The following LARP1B variants were observed in gnomAD, a reference collection of about 807,000 sequenced individuals.
LARP1B encodes La ribonucleoprotein 1B, also known as la-related protein 1B.
LARP1B carries 76 observed loss-of-function variants against 114.2 expected under a neutral mutation model. The observed-to-expected ratio is 0.67, with a 90% CI of 0.55 to 0.81. The LOEUF (loss-of-function observed/expected upper bound fraction) is 0.81. Ranked by LOEUF, LARP1B falls within the 30% of genes least tolerant of loss-of-function variation. LARP1B has a pLI of 0.00. For missense variants in LARP1B, 1,014 were observed against 1,075.8 expected (o/e 0.94, Z 0.80); for synonymous variants, 345 against 348.0 (o/e 0.99, Z 0.10).
At chr4:128,127,052 A>AAC (rs1789904837) in intron 11 of LARP1B, among the ~76,000 whole-genome samples, 1 of 152,212 alleles carries the variant, frequency 6.6e-6, no homozygotes, top group Non-Finnish European at 1.5e-5. Flanking sequence ...CTAGTTTCCC[A>AAC]ACAGTGACAA....
At chr4:128,183,712 A>G (rs1749355243) in intron 15 of LARP1B, among the ~76,000 whole-genome samples, 1 of 152,228 alleles carries the variant, frequency 6.6e-6, no homozygotes, top group African/African-American at 2.4e-5. Flanking sequence ...TATAGCTGCC[A>G]CAGCTAGTCA....
At chr4:128,075,942 G>A (rs911113388) in intron 3 of LARP1B, among the ~76,000 whole-genome samples, 2 of 152,244 alleles carry the variant, frequency 1.3e-5, no homozygotes, top group East Asian at 1.9e-4. Context: ...TGCTGAAAAC[G>A]TGGCAGCTAT....
intron 15 of LARP1B, among the ~76,000 whole-genome samples, chr4:128,189,324 C>CTT (rs70966089): frequency 0.042 from 288 of 6,800 alleles, 63 homozygotes; most frequent in Non-Finnish European, 0.063. Flanking sequence ...AGTATGGCTA[C>CTT]TTTTTTTTTT....
chr4:128,154,344 C>T (rs1298100516), intron 11 of LARP1B, among the ~76,000 whole-genome samples: 1 of 152,166 alleles, frequency 6.6e-6, no homozygotes, highest in African/African-American at 2.4e-5. Flanking sequence ...GAAAATCCTT[C>T]ATCCTTCTAA....
intron 8 of LARP1B, 33 bp downstream of exon 8, chr4:128,098,363 T>G (rs1778816685): frequency 6.4e-7 from 1 of 1,562,382 alleles, no homozygotes; most frequent in African/African-American, 1.4e-5. Flanking sequence ...ATTTGTACTT[T>G]CTGCTCAAAT....
In LARP1B at chr4:128,083,177, T is replaced by G. The variant is rs1771299503; in HGVS notation, c.358+872T>G. 4.6e-5 allele frequency among the ~76,000 whole-genome samples: 7 copies of G among 152,366 alleles called. No individual in the cohort carries two copies. The South Asian group carries it at 1.4e-3, about 32-fold the overall frequency. ...GGATCCCAAGGCAGAAGAATTTATC[T>G]TAGTACAGAACAAAATGAAAAGTCT... On this transcript the variant is annotated intron_variant, in intron 5 of 19. Transcript: ENST00000326639.
downstream of LARP1B, among the ~76,000 whole-genome samples, chr4:128,214,024 G>A (rs1188083619): frequency 3.3e-5 from 5 of 150,966 alleles, no homozygotes; most frequent in African/African-American, 1.2e-4. Context: ...CCCTTTCCGA[G>A]TCAAAGAAAG....
chr4:128,099,701 T>C (rs544120563), intron 8 of LARP1B, among the ~76,000 whole-genome samples: 1 of 151,840 alleles, frequency 6.6e-6, no homozygotes, highest in South Asian at 2.1e-4. Flanking sequence ...AAGATCTTTA[T>C]AGGGATATAT....
At chr4:128,149,808 G>A (rs1456714174) in intron 11 of LARP1B, among the ~76,000 whole-genome samples, 1 of 152,186 alleles carries the variant, frequency 6.6e-6, no homozygotes, top group East Asian at 1.9e-4. Flanking sequence ...TTAAAGAAAA[G>A]GAGAGGGAAC....
At chr4:128,176,682 C>T (rs1746326240) in intron 12 of LARP1B, among the ~76,000 whole-genome samples, 190 bp from the exon 13 acceptor site, 1 of 152,030 alleles carries the variant, frequency 6.6e-6, no homozygotes, top group Non-Finnish European at 1.5e-5. Flanking sequence ...CATTTTTTCC[C>T]AAACATTATG....
intron 19 of LARP1B, 51 bp from the exon 20 acceptor site, chr4:128,209,805 G>A: frequency 6.9e-7 from 1 of 1,446,256 alleles, no homozygotes; most frequent in African/African-American, 1.4e-5. Context: ...AGATTCTGAA[G>A]GGAGGAAAAA....
chr4:128,095,407 T>G (rs1191019988), intron 7 of LARP1B, among the ~76,000 whole-genome samples: 1 of 150,316 alleles, frequency 6.7e-6, no homozygotes, highest in Admixed American at 6.7e-5. Context: ...GAGAATCGCT[T>G]GAACCTGTGA....
intron 1 of LARP1B, among the ~76,000 whole-genome samples, chr4:128,066,971 A>T (rs1561023163): frequency 6.2e-5 from 9 of 145,866 alleles, no homozygotes. Flanking sequence ...CCGGCTAATT[A>T]TTTTTTTTTA....
intron 11 of LARP1B, among the ~76,000 whole-genome samples, chr4:128,155,037 G>C (rs1351865193): frequency 6.6e-6 from 1 of 152,158 alleles, no homozygotes; most frequent in African/African-American, 2.4e-5. Context: ...GCCTTGCAAA[G>C]TGCTGGGATT....
chr4:128,098,732 C>A lies in LARP1B; in HGVS notation c.813+402C>A, dbSNP rs545949014. On this transcript the variant is annotated intron_variant, in intron 8 of 19. Coordinates refer to ENST00000326639, the MANE Select transcript of LARP1B (RefSeq NM_018078.4). ...AGGTTACTGTAAAAAAGCATGTGTT[C>A]CTGTATATGTATGTGTATATATATA... Among the ~76,000 whole-genome samples, 141 of 53,426 alleles carry A rather than the reference C, an allele frequency of 2.6e-3. 4 individuals carry two copies. Among genetic ancestry groups the A allele is most frequent in the African/African-American group, 8.9e-3 (133 of 14,936 alleles). 35.0% of individuals were successfully genotyped at this position (53,426 alleles called of 152,430 possible).
chr4:128,125,709 G>A (rs1789356079), intron 11 of LARP1B, among the ~76,000 whole-genome samples: 1 of 152,160 alleles, frequency 6.6e-6, no homozygotes, highest in African/African-American at 2.4e-5. Context: ...TCACGTCAAT[G>A]CATTCCAGCC....
chr4:128,064,912 T>C (rs1761809757), intron 1 of LARP1B, among the ~76,000 whole-genome samples: 2 of 151,892 alleles, frequency 1.3e-5, no homozygotes. Context: ...ACGTTTAAAA[T>C]AATAATATTA....
At chr4:128,152,552 TTTTTTATTTTTTA>T (rs1164429716) in intron 11 of LARP1B, among the ~76,000 whole-genome samples, 1 of 151,738 alleles carries the variant, frequency 6.6e-6, no homozygotes, top group Non-Finnish European at 1.5e-5. Flanking sequence ...TAGGTTAATG[TTTTTTATTTTTTA>T]TTTTTATTTT....
rs189350329 is a variant in LARP1B at position 128,148,987 on chromosome 4, A to G, written c.1525-13207A>G. The stretch of plus-strand genomic sequence containing the variant: ...AGTTGTTATTTCCCTATGCTTTTCA[A>G]CATTTTTGAACATGAAAGGATATGG... On this transcript the variant is annotated intron_variant, in intron 11 of 19. Transcript: ENST00000326639. Among the ~76,000 whole-genome samples the G allele has an allele frequency of 5.6e-4, 86 of 152,264 alleles. 1 individual carries two copies. In the East Asian group the frequency reaches 0.014, roughly 25 times the overall value.
Sources: allele counts gnomAD v4.1 joint callset (sites outside exome capture counted in the v4.1 genomes callset), GRCh38; gene constraint gnomAD v4.1.1; transcripts MANE v1.5; gene names NCBI Gene and HGNC (gene_info 2026-07-23, HGNC 2026-07-21).